KLHL1: variants seen among roughly 807,000 people sequenced by gnomAD.
KLHL1 encodes kelch like family member 1.
KLHL1 carries 47 observed loss-of-function variants against 77.7 expected under a neutral mutation model. The observed-to-expected ratio is 0.60, with a 90% CI of 0.48 to 0.77. The LOEUF (loss-of-function observed/expected upper bound fraction) is 0.77. Among genes scored for constraint, KLHL1 ranks in the 30% least tolerant of loss-of-function variants. KLHL1 has a pLI of 0.00. For synonymous variants in KLHL1, 360 were observed against 325.2 expected, an observed-to-expected ratio of 1.11 and a Z score of -1.15; for missense variants, 925 against 910.8, an observed-to-expected ratio of 1.02 and a Z score of -0.20.
chr13:69,978,547 C>T (rs117708310), intron 1 of KLHL1, among the ~76,000 whole-genome samples: 44,791 of 149,862 alleles, frequency 0.3, 7,145 homozygotes, highest in African/African-American at 0.4. Flanking sequence ...GGTGCAGTTG[C>T]ACGATCTTGG....
chr13:69,846,883 T>C (rs894949924), intron 5 of KLHL1, among the ~76,000 whole-genome samples: 12 of 151,344 alleles, frequency 7.9e-5, no homozygotes, highest in Middle Eastern at 3.2e-3. Context: ...GCTAAAGGTA[T>C]TTCAAATAAT....
intron 1 of KLHL1, among the ~76,000 whole-genome samples, chr13:70,015,573 C>T (rs1885637660): frequency 6.6e-6 from 1 of 152,110 alleles, no homozygotes; most frequent in Admixed American, 6.6e-5. Context: ...TATGACTCTT[C>T]CGTTTTTCAT....
chr13:70,090,065 ACT>A (rs1358649441), intron 1 of KLHL1, among the ~76,000 whole-genome samples: 11 of 152,032 alleles, frequency 7.2e-5, no homozygotes, highest in Non-Finnish European at 1.2e-4. Context: ...TAGAATCCTA[ACT>A]CTGTTTTTAT....
chr13:69,875,637 A>T (rs1413095596), intron 5 of KLHL1, among the ~76,000 whole-genome samples: 1 of 152,130 alleles, frequency 6.6e-6, no homozygotes, highest in Non-Finnish European at 1.5e-5. Flanking sequence ...TATTATATTA[A>T]TACCTCTGCT....
intron 6 of KLHL1, among the ~76,000 whole-genome samples, chr13:69,814,168 G>A (rs756553454): frequency 4.6e-4 from 70 of 152,152 alleles, no homozygotes; most frequent in Admixed American, 2.8e-3. Context: ...TCAATAAATG[G>A]TTTCGGGAAC....
At chr13:69,808,337 T>C (rs1365702029) in intron 6 of KLHL1, among the ~76,000 whole-genome samples, 2 of 152,088 alleles carry the variant, frequency 1.3e-5, no homozygotes, top group African/African-American at 4.8e-5. Flanking sequence ...TCTCTTACTC[T>C]TAAGGACCAC....
At chr13:70,062,603 G>A (rs1228839117) in intron 1 of KLHL1, among the ~76,000 whole-genome samples, 1 of 152,150 alleles carries the variant, frequency 6.6e-6, no homozygotes, top group Non-Finnish European at 1.5e-5. Flanking sequence ...AATTATTAGT[G>A]CACAATAAAA....
At chr13:70,053,921 T>C (rs913855017) in intron 1 of KLHL1, among the ~76,000 whole-genome samples, 2 of 152,140 alleles carry the variant, frequency 1.3e-5, no homozygotes, top group African/African-American at 2.4e-5. Flanking sequence ...GCTGCTACCA[T>C]AGTCACAAAG....
intron 5 of KLHL1, among the ~76,000 whole-genome samples, chr13:69,845,922 T>C (rs188889454): frequency 3.9e-4 from 59 of 151,584 alleles, no homozygotes; most frequent in Non-Finnish European, 5.9e-5. Flanking sequence ...AGTCAATATT[T>C]GAGGTTTGCC....
intron 1 of KLHL1, among the ~76,000 whole-genome samples, chr13:70,025,146 C>T (rs1339557275): frequency 6.6e-6 from 1 of 152,030 alleles, no homozygotes; most frequent in Non-Finnish European, 1.5e-5. Flanking sequence ...AGCTGCCACT[C>T]ATTTAAATTA....
intron 9 of KLHL1, among the ~76,000 whole-genome samples, chr13:69,710,846 G>T (rs1262396957): frequency 6.6e-6 from 1 of 151,822 alleles, no homozygotes; most frequent in East Asian, 1.9e-4. Context: ...TGGGTGTGGG[G>T]TCTTACTGTA....
chr13:69,800,281 C>T (rs1877317327), intron 6 of KLHL1, among the ~76,000 whole-genome samples: 1 of 152,094 alleles, frequency 6.6e-6, no homozygotes, highest in African/African-American at 2.4e-5. Context: ...ACTTTAATTC[C>T]TTCACAAGCT....
At chr13:69,744,499 T>G (rs1202256781) in intron 7 of KLHL1, among the ~76,000 whole-genome samples, 1 of 150,128 alleles carries the variant, frequency 6.7e-6, no homozygotes, top group Non-Finnish European at 1.5e-5. Flanking sequence ...ATATATATAT[T>G]ACATTAATAT....
intron 6 of KLHL1, among the ~76,000 whole-genome samples, chr13:69,806,584 C>A (rs1205168251): frequency 2.0e-5 from 3 of 152,084 alleles, no homozygotes; most frequent in South Asian, 2.1e-4. Context: ...CAACTGAGAC[C>A]CTGGACGTGG....
At chr13:70,005,663 C>A (rs1236769071) in intron 1 of KLHL1, among the ~76,000 whole-genome samples, 2 of 151,592 alleles carry the variant, frequency 1.3e-5, no homozygotes, top group Admixed American at 6.6e-5. Context: ...TAATTAGAAA[C>A]AAATGTATTG....
At chr13:70,030,063 A>G (rs1003143384) in intron 1 of KLHL1, among the ~76,000 whole-genome samples, 9 of 152,216 alleles carry the variant, frequency 5.9e-5, no homozygotes, top group Non-Finnish European at 1.2e-4. Flanking sequence ...ATATATATTC[A>G]CCCAATACAG....
intron 4 of KLHL1, among the ~76,000 whole-genome samples, chr13:69,933,798 G>GA (rs371804751): frequency 2.7e-5 from 4 of 148,800 alleles, no homozygotes; most frequent in East Asian, 2.0e-4. Flanking sequence ...AGAGAAGGGG[G>GA]AAAAAAAAAT....
At chr13:69,884,530 A>G (rs1881122021) in intron 4 of KLHL1, among the ~76,000 whole-genome samples, 1 of 152,022 alleles carries the variant, frequency 6.6e-6, no homozygotes, top group African/African-American at 2.4e-5. Flanking sequence ...CTATGCCTCC[A>G]TTAAACCACA....
At chr13:69,990,904 C>T (rs1328155385) in intron 1 of KLHL1, among the ~76,000 whole-genome samples, 1 of 151,810 alleles carries the variant, frequency 6.6e-6, no homozygotes, top group East Asian at 1.9e-4. Context: ...TGCAATTGGA[C>T]ATAAAACAAC....
Sources: gnomAD v4.1 joint callset for allele counts (sites outside exome capture counted in the v4.1 genomes callset) on GRCh38, gnomAD v4.1.1 for gene constraint, MANE v1.5 for transcripts, NCBI Gene and HGNC (gene_info 2026-07-23, HGNC 2026-07-21) for gene names.